ECM2: variants seen among roughly 807,000 people sequenced by gnomAD.
ECM2 encodes extracellular matrix protein 2, female organ and adipocyte specific.
In ECM2, 57 loss-of-function variants were observed where a neutral mutation model predicts 67.5. The ratio of observed to expected loss-of-function variants is 0.84; its 90% CI spans 0.68 to 1.05. ECM2 has a LOEUF of 1.05. Ranked by LOEUF, ECM2 falls within the 50% of genes least tolerant of loss-of-function variation. ECM2 has a pLI of 0.00. For synonymous variants in ECM2, 258 were observed against 294.5 expected, an observed-to-expected ratio of 0.88 and a Z score of 1.27; for missense variants, 741 against 822.8, an observed-to-expected ratio of 0.90 and a Z score of 1.22.
chr9:92,534,787 G>A (rs1391883351), intron 1 of ECM2, among the ~76,000 whole-genome samples: 2 of 152,202 alleles, frequency 1.3e-5, no homozygotes, highest in African/African-American at 4.8e-5. Context: ...GGCATGGCAA[G>A]TGTGCTCTGA....
chr9:92,516,406 A>G (rs1485352182), intron 3 of ECM2, among the ~76,000 whole-genome samples: 1 of 152,134 alleles, frequency 6.6e-6, no homozygotes, highest in Non-Finnish European at 1.5e-5. Context: ...AAATTTACTT[A>G]ATCATCTGCC....
downstream of ECM2, chr9:92,494,011 A>T: frequency 1.3e-6 from 2 of 1,506,396 alleles, no homozygotes; most frequent in Non-Finnish European, 1.8e-6. Context: ...TGCTCGTCGC[A>T]TTGTCACCCA....
At chr9:92,534,161 C>T (rs748111608) in intron 1 of ECM2, among the ~76,000 whole-genome samples, 3 of 152,170 alleles carry the variant, frequency 2.0e-5, no homozygotes, top group Non-Finnish European at 4.4e-5. Context: ...GTGAAGGACT[C>T]CTCAGAGTGT....
At chr9:92,507,375 A>G (rs1396092123) in intron 6 of ECM2, among the ~76,000 whole-genome samples, 3 of 152,276 alleles carry the variant, frequency 2.0e-5, no homozygotes, top group Non-Finnish European at 4.4e-5. Context: ...TGAAAAATAG[A>G]TAACAGAAAT....
the ECM2 span, among the ~76,000 whole-genome samples, chr9:92,546,507 C>T: frequency 1.3e-5 from 2 of 151,984 alleles, no homozygotes; most frequent in Admixed American, 6.6e-5. Flanking sequence ...AGAACAACTC[C>T]AGACGCACCG....
intron 9 of ECM2, among the ~76,000 whole-genome samples, chr9:92,499,897 C>T (rs867794369): frequency 6.6e-6 from 1 of 152,190 alleles, no homozygotes; most frequent in Non-Finnish European, 1.5e-5. Flanking sequence ...ATTCTCAAGA[C>T]ACTCATGCCA....
intron 9 of ECM2, among the ~76,000 whole-genome samples, chr9:92,497,575 G>A (rs1052085018): frequency 4.0e-5 from 6 of 149,746 alleles, no homozygotes; most frequent in Non-Finnish European, 7.4e-5. Flanking sequence ...AGTGAGCTGA[G>A]ATCACGCCGT....
chr9:92,511,803 T>C (rs17364181), intron 5 of ECM2, among the ~76,000 whole-genome samples: 4,898 of 152,314 alleles, frequency 0.032, 123 homozygotes, highest in South Asian at 0.073. Flanking sequence ...ATTGTTGGTG[T>C]CCTTACAGCA....
intron 6 of ECM2, among the ~76,000 whole-genome samples, chr9:92,509,521 G>T (rs975451561): frequency 5.9e-5 from 9 of 152,136 alleles, no homozygotes; most frequent in African/African-American, 2.2e-4. Flanking sequence ...AACAAACATG[G>T]CACTGGTTAG....
downstream of ECM2, chr9:92,493,858 A>G: frequency 3.1e-6 from 1 of 324,028 alleles, no homozygotes; most frequent in Non-Finnish European, 5.6e-6. Flanking sequence ...TTTTCTTGGG[A>G]TTCTGCAGCC....
chr9:92,496,036 T>C lies in ECM2; in HGVS notation c.*279A>G, dbSNP rs1444617339. On this transcript the variant is annotated 3_prime_UTR_variant, in exon 10 of 10. Transcript: ENST00000344604. ...GCTGTGTTTATTTTGTTCCAGACTC[T>C]TCTGGTCTAGCTCAGTATGCATAAT... 1.3e-5 allele frequency: 13 copies of C among 1,026,016 alleles called. No individual in the cohort carries two copies. The African/African-American group carries it at 2.0e-4, about 16-fold the overall frequency. 63.6% of individuals were successfully genotyped at this position (1,026,016 alleles called of 1,614,324 possible).
the ECM2 span, among the ~76,000 whole-genome samples, chr9:92,557,606 G>A: frequency 3.3e-5 from 5 of 152,112 alleles, no homozygotes; most frequent in South Asian, 1.0e-3. Context: ...TACTTGTTCA[G>A]TTCTATTGCT....
At chr9:92,551,962 A>ATG in the ECM2 span, among the ~76,000 whole-genome samples, 5 of 112,860 alleles carry the variant, frequency 4.4e-5, no homozygotes, top group African/African-American at 2.0e-4. Context: ...TGATATATAT[A>ATG]TGTGTGATAT....
intron 6 of ECM2, among the ~76,000 whole-genome samples, chr9:92,507,816 A>G (rs774530624): frequency 6.6e-6 from 1 of 152,098 alleles, no homozygotes; most frequent in Non-Finnish European, 1.5e-5. Flanking sequence ...CCCTTTCTCC[A>G]TAACACGTGT....
the ECM2 span, among the ~76,000 whole-genome samples, chr9:92,555,348 T>C: frequency 7.0e-6 from 1 of 143,330 alleles, no homozygotes; most frequent in Non-Finnish European, 1.5e-5. Flanking sequence ...TGCCTCAACC[T>C]CCCGAGTAGC....
chr9:92,533,175 G>T (rs898264993), intron 1 of ECM2, among the ~76,000 whole-genome samples: 2 of 149,796 alleles, frequency 1.3e-5, no homozygotes, highest in African/African-American at 4.9e-5. Flanking sequence ...TGGCACGCGC[G>T]TGTAGTCCCA....
At chr9:92,527,866 C>T (rs1848511697) in intron 1 of ECM2, 1 of 154,084 alleles carries the variant, frequency 6.5e-6, no homozygotes, top group African/African-American at 2.4e-5. Context: ...AGTATATCAC[C>T]TGAAGGCCAA....
At chr9:92,498,562 TATTA>T (rs1003624400) in intron 9 of ECM2, among the ~76,000 whole-genome samples, 1 of 152,238 alleles carries the variant, frequency 6.6e-6, no homozygotes, top group East Asian at 1.9e-4. Flanking sequence ...TCAAAAATAA[TATTA>T]ATTCAAAAAG....
chr9:92,514,840 CCCTCCTCACCCT>C lies in ECM2; in HGVS notation c.833_844del (p.Glu278_Glu281del), dbSNP rs761689497. 17 of 1,611,390 alleles carry C rather than the reference CCCTCCTCACCCT, an allele frequency of 1.1e-5. No individual in the cohort carries two copies. Among genetic ancestry groups the C allele is most frequent in the African/African-American group, 2.7e-5 (2 of 74,788 alleles). The stretch of plus-strand genomic sequence containing the variant: ...CTCCTCGTCCTCCTCATCCTCCTCA[CCCTCCTCACCCT>C]CCTCCTCCTCATCCTCCTCCTCCTC... On this transcript the variant is annotated inframe_deletion, in exon 4 of 10. Coordinates refer to ENST00000344604, the MANE Select transcript of ECM2 (RefSeq NM_001393.4).
Sources: gnomAD v4.1 joint callset for allele counts (sites outside exome capture counted in the v4.1 genomes callset) on GRCh38, gnomAD v4.1.1 for gene constraint, MANE v1.5 for transcripts, NCBI Gene and HGNC (gene_info 2026-07-23, HGNC 2026-07-21) for gene names.